The following PCDHGB2 variants were observed in gnomAD, a reference collection of about 807,000 sequenced individuals.
PCDHGB2 encodes protocadherin gamma-B2.
PCDHGB2 carries 55 observed loss-of-function variants against 59.3 expected under a neutral mutation model. The ratio of observed to expected loss-of-function variants is 0.93; its 90% CI spans 0.75 to 1.16. The LOEUF (loss-of-function observed/expected upper bound fraction) is 1.16, where lower values mean the gene tolerates loss of function less well. Ranked by LOEUF, PCDHGB2 falls within the 50% of genes most tolerant of loss-of-function variation. The pLI is 0.00. For synonymous variants in PCDHGB2, 516 were observed against 512.0 expected, an observed-to-expected ratio of 1.01 and a Z score of -0.11; for missense variants, 1,228 against 1,198.5, an observed-to-expected ratio of 1.02 and a Z score of -0.36.
chr5:141,389,343 T>TACTG, intron 1 of PCDHGB2: 1 of 1,613,992 alleles, frequency 6.2e-7, no homozygotes, highest in Non-Finnish European at 8.5e-7. Flanking sequence ...CCAAGTCTCT[T>TACTG]ACTGCATCAT....
At chr5:141,494,326 G>C (rs2154591458) in intron 1 of PCDHGB2, among the ~76,000 whole-genome samples, 1 of 152,312 alleles carries the variant, frequency 6.6e-6, no homozygotes, top group Middle Eastern at 3.4e-3. Context: ...GGCACCAAAA[G>C]GGTTACCAAG....
At chr5:141,413,383 A>G in intron 1 of PCDHGB2, 1 of 1,613,998 alleles carries the variant, frequency 6.2e-7, no homozygotes, top group Non-Finnish European at 8.5e-7. Context: ...CGGAGTCCGC[A>G]TAGTCTCCAG....
In PCDHGB2 at chr5:141,432,854, G is replaced by A. The variant is rs769962088; in HGVS notation, c.2422-61953G>A. 1 of 1,614,192 alleles carries A rather than the reference G, an allele frequency of 6.2e-7. No homozygotes were observed. On this transcript the variant is annotated intron_variant, in intron 1 of 3. Transcript: ENST00000522605. The surrounding 1 kb of genome is among the most constrained non-coding windows in gnomAD (Gnocchi z 6.0). ...TCTGTACCTGGTGGTAGCGGTGGCC[G>A]CGGTCTCCTGCGTCTTCCTGGCCTT...
chr5:141,486,030 C>A lies in PCDHGB2; in HGVS notation c.2422-8777C>A. The A allele has an allele frequency of 6.2e-7, 1 of 1,614,164 alleles. No homozygotes were observed. The highest frequency in any genetic ancestry group is 8.5e-7 in the Non-Finnish European group (1 of 1,180,012). ...ACCTTTTATTTCAGTGGTCATACCC[C>A]TGATCGTGTAAGAAACCTCTTTAGC... On this transcript the variant is annotated intron_variant, in intron 1 of 3. Coordinates refer to ENST00000522605, the MANE Select transcript of PCDHGB2 (RefSeq NM_018923.3). The surrounding 1 kb of genome is among the most constrained non-coding windows in gnomAD (Gnocchi z 5.0).
intron 1 of PCDHGB2, chr5:141,371,250 A>G: frequency 6.2e-7 from 1 of 1,614,054 alleles, no homozygotes; most frequent in Non-Finnish European, 8.5e-7. Context: ...CAATATTGGC[A>G]AGGAAGTGAG....
At position 141,486,960 on chromosome 5, in the gene PCDHGB2, T is replaced by C; in HGVS notation, c.2422-7847T>C. On this transcript the variant is annotated intron_variant, in intron 1 of 3. Transcript: ENST00000522605. The surrounding 1 kb of genome is among the most constrained non-coding windows in gnomAD (Gnocchi z 5.0). Reference sequence around the variant, plus strand: ...CACCTAATCACAAAGGTGACTGCTGTGGACTTGGATTCAGGTTACAATGCT... The same window carrying C: ...CACCTAATCACAAAGGTGACTGCTGCGGACTTGGATTCAGGTTACAATGCT... The C allele has an allele frequency of 6.2e-7, 1 of 1,614,228 alleles. No individual in the cohort carries two copies. Among genetic ancestry groups the C allele is most frequent in the Non-Finnish European group, 8.5e-7 (1 of 1,180,034 alleles).
chr5:141,492,919 C>A (rs1019663003), intron 1 of PCDHGB2, among the ~76,000 whole-genome samples: 1 of 152,192 alleles, frequency 6.6e-6, no homozygotes, highest in Non-Finnish European at 1.5e-5. Context: ...ATGTGCCCAG[C>A]GATCTAGGGT....
Position 141,360,995 on chromosome 5 carries a change from A to G in PCDHGB2, c.860A>G (p.Gln287Arg). The change falls in exon 1 of 4, where the codon CAA (glutamine) becomes CGA (arginine). Residue 287 changes from glutamine (Q) to arginine (R), a missense_variant. This residue lies in a region of PCDHGB2 where 781 missense variants were observed against 721.6 expected (regional missense o/e 1.08). Transcript: ENST00000522605. ...ITYSFHNVDE[Q>R]VKHFFNLNEK... Reference sequence around the variant, plus strand: ...TACTCCTTTCATAATGTGGACGAACAAGTGAAACACTTTTTCAACTTAAAT... The same window carrying G: ...TACTCCTTTCATAATGTGGACGAACGAGTGAAACACTTTTTCAACTTAAAT... 6.2e-7 allele frequency: 1 copy of G among 1,613,650 alleles called. No individual in the cohort carries two copies. Among genetic ancestry groups the G allele is most frequent in the Non-Finnish European group, 8.5e-7 (1 of 1,179,668 alleles).
intron 1 of PCDHGB2, chr5:141,375,739 G>T (rs760131359): frequency 5.6e-6 from 9 of 1,614,126 alleles, no homozygotes; most frequent in East Asian, 4.5e-5. Context: ...GCCTGTTTGT[G>T]CTGGACCAGA....
intron 1 of PCDHGB2, chr5:141,478,509 G>A: frequency 1.2e-6 from 2 of 1,611,878 alleles, no homozygotes; most frequent in South Asian, 1.1e-5. Flanking sequence ...GTGTTCTATA[G>A]GCAGGTGTTG....
rs200356364 is a variant in PCDHGB2, at chr5:141,470,128, C to CA, written c.2422-24670dup. On this transcript the variant is annotated intron_variant, in intron 1 of 3. Transcript: ENST00000522605. ...TGAGCAACAGAGCAAGACTTCGTCT[C>CA]AAAAAAAAAGATCATAGATCATCTT... 4.0e-3 allele frequency among the ~76,000 whole-genome samples: 596 copies of CA among 150,150 alleles called. 6 individuals are homozygous for CA. The highest frequency in any genetic ancestry group is 0.011 in the Admixed American group (171 of 15,136).
In PCDHGB2 at chr5:141,387,729, A is replaced by C. The variant is rs536775462; in HGVS notation, c.2421+25173A>C. ...GCCCCAGCTCAGACTCCCCAGCGCC[A>C]GCCTTTACACCGCTTCCTCCTCGGA... On this transcript the variant is annotated intron_variant, in intron 1 of 3. Coordinates refer to ENST00000522605, the MANE Select transcript of PCDHGB2 (RefSeq NM_018923.3). The C allele has an allele frequency of 4.9e-6, 6 of 1,227,140 alleles. No individual in the cohort carries two copies. The African/African-American group carries it at 7.6e-5, about 16-fold the overall frequency. The allele number at this position is 1,227,140 out of a possible 1,614,324, so 76.0% of individuals were successfully genotyped here.
chr5:141,427,742 C>T, intron 1 of PCDHGB2: 2 of 1,247,208 alleles, frequency 1.6e-6, no homozygotes, highest in Non-Finnish European at 2.3e-6. Context: ...GCCAAGTCTC[C>T]TACTCCATCG....
chr5:141,431,364 G>A lies in PCDHGB2; in HGVS notation c.2422-63443G>A. 1 of 1,614,010 alleles carries A rather than the reference G, an allele frequency of 6.2e-7. No homozygotes were observed. The highest frequency in any genetic ancestry group is 8.5e-7 in the Non-Finnish European group (1 of 1,180,022). On this transcript the variant is annotated intron_variant, in intron 1 of 3. Coordinates refer to ENST00000522605, the MANE Select transcript of PCDHGB2 (RefSeq NM_018923.3). This position sits in a 1 kb window ranked among gnomAD's most constrained non-coding sequence, Gnocchi z 4.8. ...TTGGTGCTGAAACGCGCCCTGGACCGCGAAGAAAAGGCTGCTCACCACCTG... is the reference window on the plus strand; with the variant it reads ...TTGGTGCTGAAACGCGCCCTGGACCACGAAGAAAAGGCTGCTCACCACCTG...
intron 1 of PCDHGB2, chr5:141,366,384 A>T (rs773208585): frequency 1.2e-6 from 2 of 1,614,124 alleles, no homozygotes; most frequent in Admixed American, 3.3e-5. Context: ...ATTGACCCTG[A>T]GGATCTGGAC....
chr5:141,418,890 G>C (rs1449142412), intron 1 of PCDHGB2: 1 of 1,613,934 alleles, frequency 6.2e-7, no homozygotes, highest in South Asian at 1.1e-5. Context: ...AACGACAACA[G>C]CCCAGAAATA....
chr5:141,496,251 G>A (rs746722054), intron 2 of PCDHGB2, among the ~76,000 whole-genome samples: 7 of 152,150 alleles, frequency 4.6e-5, no homozygotes, highest in African/African-American at 7.2e-5. Context: ...TGAAGGGGAG[G>A]GAAACTTCAG....
intron 1 of PCDHGB2, chr5:141,375,289 T>C (rs760342816): frequency 6.2e-7 from 1 of 1,613,842 alleles, no homozygotes; most frequent in South Asian, 1.1e-5. Flanking sequence ...GCAATTATTA[T>C]CGATTAGTGA....
chr5:141,491,884 G>C lies in PCDHGB2; in HGVS notation c.2422-2923G>C, dbSNP rs745931108. 5.0e-5 allele frequency: 73 copies of C among 1,446,372 alleles called. No homozygotes were observed. The highest frequency in any genetic ancestry group is 6.3e-5 in the Non-Finnish European group (69 of 1,094,334). The allele number at this position is 1,446,372 out of a possible 1,614,324, so 89.6% of individuals were successfully genotyped here. A position where few individuals can be genotyped will look rare whatever the true frequency, so the allele number is the denominator to read the frequency against. On this transcript the variant is annotated intron_variant, in intron 1 of 3. Coordinates refer to ENST00000522605, the MANE Select transcript of PCDHGB2 (RefSeq NM_018923.3). The surrounding 1 kb of genome is among the most constrained non-coding windows in gnomAD (Gnocchi z 6.9). The stretch of plus-strand genomic sequence containing the variant: ...AACCAGAGTGGCCGATTAAGGGATG[G>C]GGCTCCGAGCACCGGGGGTGGTGGC...
Sources: allele counts gnomAD v4.1 joint callset (sites outside exome capture counted in the v4.1 genomes callset), GRCh38; gene constraint gnomAD v4.1.1; regional missense constraint gnomAD v4.1.1; non-coding constraint Gnocchi (gnomAD v3.1); transcripts MANE v1.5; gene names NCBI Gene and HGNC (gene_info 2026-07-23, HGNC 2026-07-21).